Variants in DOCK8 observed in about 807,000 individuals in gnomAD.
The protein encoded by DOCK8 is dedicator of cytokinesis 8.
A neutral mutation model predicts 245.6 loss-of-function variants in DOCK8; 141 were observed. The ratio of observed to expected loss-of-function variants is 0.57; its 90% confidence interval spans 0.50 to 0.66. The LOEUF (loss-of-function observed/expected upper bound fraction) is 0.66. Ranked by LOEUF, DOCK8 falls within the 30% of genes least tolerant of loss-of-function variation. The pLI, the probability that DOCK8 is intolerant of heterozygous loss-of-function variation, is 0.00. For synonymous variants in DOCK8, 1,168 were observed against 970.2 expected (o/e 1.20, Z -3.79); for missense variants, 2,965 against 2,603.4 (o/e 1.14, Z -3.02).
chr9:422,984 CA>C (rs56034723), intron 33 of DOCK8, among the ~76,000 whole-genome samples: 152 of 102,838 alleles, frequency 1.5e-3, no homozygotes, highest in East Asian at 5.7e-3. Flanking sequence ...GACTCCATCT[CA>C]AAAAAAAAAA....
intron 1 of DOCK8, among the ~76,000 whole-genome samples, chr9:239,137 A>G (rs191125900): frequency 6.6e-6 from 1 of 152,212 alleles, no homozygotes; most frequent in East Asian, 1.9e-4. Context: ...TTTGAATGAA[A>G]CAATGTTATT....
At chr9:419,056 A>G (rs59610219) in intron 30 of DOCK8, among the ~76,000 whole-genome samples, 1,529 of 152,280 alleles carry the variant, frequency 0.01, 25 homozygotes, top group African/African-American at 0.034. Context: ...CCTCTGATTC[A>G]GTTGAGGTGG....
intron 24 of DOCK8, among the ~76,000 whole-genome samples, chr9:395,339 T>C (rs1326474813): frequency 6.6e-6 from 1 of 152,156 alleles, no homozygotes; most frequent in African/African-American, 2.4e-5. Context: ...TTTTTTCTTA[T>C]TTTGCCTTCC....
chr9:332,344 C>T (rs2051051779), intron 9 of DOCK8, 54 bp from the exon 10 acceptor site: 1 of 1,231,298 alleles, frequency 8.1e-7, no homozygotes, highest in Non-Finnish European at 1.2e-6. Context: ...TGCATAGATT[C>T]CTTTTTATGG....
chr9:327,984 A>C lies in DOCK8; in HGVS notation c.895-38A>C, dbSNP rs544294830. 1.2e-5 allele frequency: 19 copies of C among 1,597,152 alleles called. 1 individual carries two copies. In the South Asian group the frequency reaches 1.8e-4, roughly 15 times the overall value. On this transcript the variant is annotated intron_variant, in intron 8 of 47. Transcript: ENST00000432829. ...AACATGTTTAAACCATGAATGCAAC[A>C]GGTCTAACTTATATTTCACTTTGCT...
intron 14 of DOCK8, among the ~76,000 whole-genome samples, chr9:352,706 C>CGCGACTTTGCGCGACTTTTG (rs199760977): frequency 6.7e-6 from 1 of 148,268 alleles, no homozygotes; most frequent in African/African-American, 2.5e-5. Flanking sequence ...CGCGCCACTG[C>CGCGACTTTGCGCGACTTTTG]ACTCCAGTCC....
intron 11 of DOCK8, among the ~76,000 whole-genome samples, chr9:335,031 G>A (rs1027632903): frequency 2.4e-4 from 36 of 152,092 alleles, no homozygotes; most frequent in African/African-American, 8.0e-4. Context: ...ACAGTGAGCC[G>A]AGATCAGGCC....
chr9:403,048 C>T (rs1003808745), intron 26 of DOCK8, among the ~76,000 whole-genome samples: 26 of 152,266 alleles, frequency 1.7e-4, no homozygotes, highest in African/African-American at 5.5e-4. Flanking sequence ...TGGCACCACT[C>T]CCCGCTAATT....
At chr9:273,175 T>G (rs2048213316) in intron 2 of DOCK8, 1 of 882,908 alleles carries the variant, frequency 1.1e-6, no homozygotes, top group Non-Finnish European at 1.3e-6. Flanking sequence ...GAAATAGTAG[T>G]ACGAAAAACC....
chr9:400,832 A>ACCTCCT (rs1333161344), intron 26 of DOCK8, among the ~76,000 whole-genome samples: 3 of 62,742 alleles, frequency 4.8e-5, no homozygotes, highest in Admixed American at 1.9e-4. Flanking sequence ...CACCATCACC[A>ACCTCCT]TCACCACCAC....
intron 46 of DOCK8, among the ~76,000 whole-genome samples, chr9:457,505 A>C (rs1587124854): frequency 6.6e-6 from 1 of 152,204 alleles, no homozygotes; most frequent in African/African-American, 2.4e-5. Flanking sequence ...ATCTGACTTA[A>C]ATACGGAGAT....
In DOCK8 at chr9:418,114, A is replaced by G; in HGVS notation, c.3747A>G (p.Gln1249=). Residue 1249 remains glutamine, a synonymous_variant, in exon 30 of 48, where the codon CAA becomes CAG. Coordinates refer to ENST00000432829, the MANE Select transcript of DOCK8 (RefSeq NM_203447.4). ...GCACCAGTGGCTCGGATGAAGAACA[A>G]GAAGGAGCCGGTGCCATTAACCAGA... ...RYRTSGSDEE[Q]EGAGAINQNV... 7 of 1,614,248 alleles carry G rather than the reference A, an allele frequency of 4.3e-6. No individual in the cohort carries two copies. Among genetic ancestry groups the G allele is most frequent in the South Asian group, 1.1e-5 (1 of 91,084 alleles).
intron 2 of DOCK8, among the ~76,000 whole-genome samples, chr9:278,775 C>T (rs774227554): frequency 2.0e-5 from 3 of 152,174 alleles, no homozygotes; most frequent in Admixed American, 2.0e-4. Flanking sequence ...CAGAATGAGG[C>T]CTGAACAGAG....
chr9:230,043 A>C (rs981010295), intron 1 of DOCK8, among the ~76,000 whole-genome samples: 13 of 146,774 alleles, frequency 8.9e-5, no homozygotes, highest in Admixed American at 3.4e-4. Flanking sequence ...TCCTAATGCT[A>C]TCCCTCACCC....
intron 22 of DOCK8, among the ~76,000 whole-genome samples, chr9:384,524 G>C (rs1586858105): frequency 1.3e-5 from 2 of 152,310 alleles, no homozygotes; most frequent in East Asian, 3.9e-4. Flanking sequence ...GTGTGGCCAT[G>C]GGAAAGTCAT....
intron 29 of DOCK8, 62 bp from the exon 30 acceptor site, chr9:418,006 G>A (rs2056102493): frequency 6.2e-7 from 1 of 1,609,704 alleles, no homozygotes; most frequent in South Asian, 1.1e-5. Flanking sequence ...TCTCTTATTG[G>A]GTAGGGGACA....
intron 24 of DOCK8, among the ~76,000 whole-genome samples, chr9:392,777 G>C (rs576375250): frequency 6.6e-6 from 1 of 151,968 alleles, no homozygotes; most frequent in Non-Finnish European, 1.5e-5. Context: ...AAAGGGACTG[G>C]GCCATAAGAC....
At chr9:307,329 G>GTTT (rs1210792510) in intron 5 of DOCK8, among the ~76,000 whole-genome samples, 4 of 75,140 alleles carry the variant, frequency 5.3e-5, no homozygotes, top group African/African-American at 2.0e-4. Context: ...GTTGTGTGTG[G>GTTT]TTTTTTTTGT....
chr9:236,308 A>G (rs1420200809), intron 1 of DOCK8, among the ~76,000 whole-genome samples: 6 of 152,368 alleles, frequency 3.9e-5, no homozygotes, highest in Admixed American at 2.6e-4. Context: ...AAGCTCTTCT[A>G]GAAGCTCACA....
Sources: gnomAD v4.1 joint callset for allele counts (sites outside exome capture counted in the v4.1 genomes callset) on GRCh38, gnomAD v4.1.1 for gene constraint, MANE v1.5 for transcripts, NCBI Gene and HGNC (gene_info 2026-07-23, HGNC 2026-07-21) for gene names.